The following PELI2 variants were observed in gnomAD, a reference collection of about 807,000 sequenced individuals.
PELI2 encodes pellino E3 ubiquitin protein ligase family member 2, also known as E3 ubiquitin-protein ligase pellino homolog 2.
Under a neutral mutation model 42.3 loss-of-function variants are expected in PELI2, and 23 were observed. That is an observed-to-expected ratio of 0.54 (90% CI 0.39 to 0.77). The LOEUF (loss-of-function observed/expected upper bound fraction) is 0.77, where lower values mean the gene tolerates loss of function less well. PELI2 is among the 30% of genes least tolerant of loss of function. The pLI is 0.00. For synonymous variants in PELI2, 245 were observed against 212.2 expected (o/e 1.15, Z -1.34); for missense variants, 463 against 553.2 (o/e 0.84, Z 1.64).
chr14:56,149,322 T>G (rs1488678721), intron 1 of PELI2, among the ~76,000 whole-genome samples: 1 of 152,244 alleles, frequency 6.6e-6, no homozygotes, highest in Admixed American at 6.5e-5. Context: ...TTTCCCTGTT[T>G]AACTTTCTTC....
chr14:56,159,544 C>CT (rs1429177521), intron 1 of PELI2, among the ~76,000 whole-genome samples: 1 of 152,020 alleles, frequency 6.6e-6, no homozygotes, highest in Non-Finnish European at 1.5e-5. Flanking sequence ...CAAATAAGTA[C>CT]TATACTGATC....
chr14:56,296,502 A>T, intron 5 of PELI2, 98 bp from the exon 6 acceptor site: 1 of 797,948 alleles, frequency 1.3e-6, no homozygotes, highest in Non-Finnish European at 2.0e-6. Flanking sequence ...TCCCTGTGTT[A>T]TCTTCAAATA....
chr14:56,288,700 ATTG>A lies in PELI2; in HGVS notation c.507+67_507+69del. ...TTGTGATTATGATATGGAACATTTA[ATTG>A]GAGCAAAAAAAAATTGGCTTTGTAT... On this transcript the variant is annotated intron_variant, in intron 4 of 5. Transcript: ENST00000267460. The surrounding 1 kb of genome is among the most constrained non-coding windows in gnomAD (Gnocchi z 4.6). 2 of 1,209,280 alleles carry A rather than the reference ATTG, an allele frequency of 1.7e-6. No individual in the cohort carries two copies. The highest frequency in any genetic ancestry group is 2.6e-5 in the Admixed American group (1 of 38,492). The allele number at this position is 1,209,280 out of a possible 1,614,324, so 74.9% of individuals were successfully genotyped here.
intron 5 of PELI2, among the ~76,000 whole-genome samples, chr14:56,294,076 C>T (rs1473739228): frequency 1.3e-5 from 2 of 152,202 alleles, no homozygotes; most frequent in Admixed American, 1.3e-4. Flanking sequence ...CATCAGCAAA[C>T]TTCAGGCTGT....
chr14:56,277,012 A>G (rs1566679589), intron 2 of PELI2, among the ~76,000 whole-genome samples: 1 of 152,198 alleles, frequency 6.6e-6, no homozygotes, highest in Admixed American at 6.5e-5. Flanking sequence ...ACATAGTCTT[A>G]TAGTTTGGGT....
intron 3 of PELI2, among the ~76,000 whole-genome samples, chr14:56,283,469 G>A (rs923712762): frequency 6.6e-6 from 1 of 152,190 alleles, no homozygotes; most frequent in African/African-American, 2.4e-5. Flanking sequence ...GACCAGCACA[G>A]TGGAAAAGGC....
At chr14:56,163,745 G>A (rs1884850484) in intron 1 of PELI2, among the ~76,000 whole-genome samples, 2 of 151,534 alleles carry the variant, frequency 1.3e-5, no homozygotes, top group Admixed American at 6.6e-5. Flanking sequence ...CCTCTTCAGT[G>A]TTATGCAGTT....
Position 56,191,810 on chromosome 14 carries a change from C to G in PELI2, c.207+13346C>G, listed in dbSNP as rs1435123613. On this transcript the variant is annotated intron_variant, in intron 2 of 5. Coordinates refer to ENST00000267460, the MANE Select transcript of PELI2 (RefSeq NM_021255.3). ...TAGTAAGTTTTGCTCTAGTTAACTA[C>G]CTTTGTTTTTGTTTTTAAAGAAAAG... Among the ~76,000 whole-genome samples the G allele has an allele frequency of 2.0e-5, 3 of 152,084 alleles. No homozygotes were observed. In the South Asian group the frequency reaches 6.2e-4, roughly 32 times the overall value.
chr14:56,250,153 C>T (rs1277450892), intron 2 of PELI2, among the ~76,000 whole-genome samples: 3 of 152,114 alleles, frequency 2.0e-5, no homozygotes, highest in Admixed American at 6.5e-5. Context: ...CAAAAGCCAT[C>T]GGCACTGGCT....
At chr14:56,185,946 C>T (rs1379399272) in intron 2 of PELI2, among the ~76,000 whole-genome samples, 1 of 152,094 alleles carries the variant, frequency 6.6e-6, no homozygotes, top group Non-Finnish European at 1.5e-5. Flanking sequence ...GATGCTCATA[C>T]ATTAATCACT....
At chr14:56,191,583 AAGGGTAT>A (rs1885949818) in intron 2 of PELI2, among the ~76,000 whole-genome samples, 1 of 152,162 alleles carries the variant, frequency 6.6e-6, no homozygotes, top group Non-Finnish European at 1.5e-5. Context: ...CAGCTGCTGG[AAGGGTAT>A]TTGCCCAAAG....
intron 5 of PELI2, among the ~76,000 whole-genome samples, chr14:56,296,010 G>A (rs1889987223): frequency 6.6e-6 from 1 of 152,260 alleles, no homozygotes; most frequent in South Asian, 2.1e-4. Context: ...AGTCTTATAA[G>A]CACTTAGTGC....
intron 2 of PELI2, among the ~76,000 whole-genome samples, chr14:56,278,806 C>G (rs905428266): frequency 6.6e-6 from 1 of 152,012 alleles, no homozygotes; most frequent in Non-Finnish European, 1.5e-5. Flanking sequence ...AATAGAAAAG[C>G]TTATTAAAAT....
At chr14:56,232,178 G>C (rs144921003) in intron 2 of PELI2, among the ~76,000 whole-genome samples, 2,583 of 152,158 alleles carry the variant, frequency 0.017, 72 homozygotes, top group African/African-American at 0.058. Context: ...TCTACCAGAG[G>C]TACAAAGAGG....
chr14:56,245,765 C>A (rs1426065201), intron 2 of PELI2, among the ~76,000 whole-genome samples: 1 of 152,024 alleles, frequency 6.6e-6, no homozygotes, highest in Non-Finnish European at 1.5e-5. Flanking sequence ...AACAATACAA[C>A]AAAAAATAAT....
At chr14:56,141,257 G>T (rs1466288915) in intron 1 of PELI2, among the ~76,000 whole-genome samples, 1 of 152,194 alleles carries the variant, frequency 6.6e-6, no homozygotes, top group Non-Finnish European at 1.5e-5. Context: ...TTTACTGTGT[G>T]TATGGGTCCG....
In PELI2 at chr14:56,299,257, C is replaced by G. The variant is rs566657765; in HGVS notation, c.*2091C>G. On this transcript the variant is annotated 3_prime_UTR_variant, in exon 6 of 6. Coordinates refer to ENST00000267460, the MANE Select transcript of PELI2 (RefSeq NM_021255.3). ...TTAGGTATATCATAATTTTCCATTT[C>G]AAGTCCTGTTTATAAGTCTAGTCAT... is the stretch of plus-strand genomic sequence containing the variant. 1.3e-5 allele frequency: 2 copies of G among 152,178 alleles called. No individual in the cohort carries two copies. Among genetic ancestry groups the G allele is most frequent in the Admixed American group, 1.3e-4 (2 of 15,278 alleles). 9.4% of individuals were successfully genotyped at this position (152,178 alleles called of 1,614,324 possible). A position where few individuals can be genotyped will look rare whatever the true frequency, so the allele number is the denominator to read the frequency against.
At chr14:56,132,052 A>G (rs1393956401) in intron 1 of PELI2, among the ~76,000 whole-genome samples, 2 of 152,128 alleles carry the variant, frequency 1.3e-5, no homozygotes, top group Non-Finnish European at 2.9e-5. Flanking sequence ...TTGAACTGCA[A>G]GTCTCTTGCC....
chr14:56,278,830 A>G (rs943021697), intron 2 of PELI2, among the ~76,000 whole-genome samples: 1 of 152,174 alleles, frequency 6.6e-6, no homozygotes, highest in Admixed American at 6.5e-5. Flanking sequence ...GTTATACTTA[A>G]TGTAAAAGAT....
Sources: gnomAD v4.1 joint callset for allele counts (sites outside exome capture counted in the v4.1 genomes callset) on GRCh38, gnomAD v4.1.1 for gene constraint, Gnocchi (gnomAD v3.1) non-coding constraint, MANE v1.5 for transcripts, NCBI Gene and HGNC (gene_info 2026-07-23, HGNC 2026-07-21) for gene names.